Variants in PLD5 observed in about 807,000 individuals in gnomAD.
PLD5 encodes inactive phospholipase D5.
Under a neutral mutation model 61.1 loss-of-function variants are expected in PLD5, and 36 were observed. That is an observed-to-expected ratio of 0.59 (90% confidence interval 0.45 to 0.78). PLD5 has a LOEUF of 0.78. Ranked by LOEUF, PLD5 falls within the 30% of genes least tolerant of loss-of-function variation. PLD5 has a pLI of 0.00. For synonymous variants in PLD5, 243 were observed against 242.8 expected, an observed-to-expected ratio of 1.00 and a Z score of -0.01; for missense variants, 515 against 644.4, an observed-to-expected ratio of 0.80 and a Z score of 2.17.
chr1:242,375,882 C>A (rs1661923131), intron 1 of PLD5, among the ~76,000 whole-genome samples: 1 of 152,146 alleles, frequency 6.6e-6, no homozygotes, highest in South Asian at 2.1e-4. Flanking sequence ...GTTGAAGTTG[C>A]ACATCCCAAC....
chr1:242,413,425 T>G (rs574748736), intron 1 of PLD5, among the ~76,000 whole-genome samples: 1 of 152,244 alleles, frequency 6.6e-6, no homozygotes, highest in Admixed American at 6.5e-5. Context: ...TCACAAGATG[T>G]TCACAGACTA....
chr1:242,491,973 G>A (rs1265477727), intron 1 of PLD5, among the ~76,000 whole-genome samples: 2 of 152,196 alleles, frequency 1.3e-5, no homozygotes, highest in Admixed American at 6.5e-5. Flanking sequence ...TCACAGGCTT[G>A]AAATTCACAA....
chr1:242,329,769 G>C (rs1451349828), intron 2 of PLD5, among the ~76,000 whole-genome samples: 1 of 152,068 alleles, frequency 6.6e-6, no homozygotes, highest in Admixed American at 6.6e-5. Context: ...ATTGCAATGT[G>C]CTCCCAAACT....
chr1:242,169,442 C>G (rs1451513264), intron 5 of PLD5, among the ~76,000 whole-genome samples: 1 of 152,176 alleles, frequency 6.6e-6, no homozygotes, highest in Non-Finnish European at 1.5e-5. Flanking sequence ...CTTCAAAACC[C>G]GTAGACCAGG....
chr1:242,195,131 T>A (rs1668556292), intron 5 of PLD5, among the ~76,000 whole-genome samples: 1 of 152,262 alleles, frequency 6.6e-6, no homozygotes, highest in African/African-American at 2.4e-5. Context: ...GGGATCAATG[T>A]TGAGAAAGAC....
intron 2 of PLD5, among the ~76,000 whole-genome samples, chr1:242,344,609 TG>T (rs1265430832): frequency 1.6e-4 from 25 of 152,220 alleles, no homozygotes; most frequent in Admixed American, 1.6e-3. Flanking sequence ...CCTGATGCTT[TG>T]GCATGGGTTT....
chr1:242,395,661 T>C (rs1265097464), intron 1 of PLD5, among the ~76,000 whole-genome samples: 3 of 152,138 alleles, frequency 2.0e-5, no homozygotes, highest in Admixed American at 1.3e-4. Flanking sequence ...CCACGGCTAA[T>C]GGAAACATAG....
chr1:242,285,879 G>A (rs1416068893), intron 3 of PLD5, among the ~76,000 whole-genome samples: 3 of 152,086 alleles, frequency 2.0e-5, no homozygotes, highest in Non-Finnish European at 4.4e-5. Context: ...AGGCCAAGGC[G>A]GGTGGATCAC....
At chr1:242,402,944 T>G (rs1056165567) in intron 1 of PLD5, among the ~76,000 whole-genome samples, 1 of 152,160 alleles carries the variant, frequency 6.6e-6, no homozygotes, top group Non-Finnish European at 1.5e-5. Flanking sequence ...CAGTGACAAC[T>G]AAAAACAACA....
intron 1 of PLD5, among the ~76,000 whole-genome samples, chr1:242,503,809 G>A (rs915884230): frequency 6.6e-6 from 1 of 152,122 alleles, no homozygotes; most frequent in Admixed American, 6.5e-5. Flanking sequence ...TATGATGTCG[G>A]GAGCCGTTGA....
intron 5 of PLD5, among the ~76,000 whole-genome samples, chr1:242,129,404 T>G (rs1663057797): frequency 6.6e-6 from 1 of 152,170 alleles, no homozygotes; most frequent in Non-Finnish European, 1.5e-5. Context: ...TAGTTTTACG[T>G]ATTAGTTCAG....
chr1:242,140,493 C>A (rs905699416), intron 5 of PLD5, among the ~76,000 whole-genome samples: 5 of 152,022 alleles, frequency 3.3e-5, no homozygotes, highest in African/African-American at 7.2e-5. Flanking sequence ...AAAAATTAGC[C>A]AGGCATGGTG....
intron 9 of PLD5, among the ~76,000 whole-genome samples, chr1:242,097,697 G>T (rs549153018): frequency 5.3e-5 from 8 of 152,130 alleles, no homozygotes; most frequent in Non-Finnish European, 7.4e-5. Context: ...TCTGTAGGTT[G>T]CCTATTCACT....
chr1:242,105,631 A>AT (rs1660995593), intron 8 of PLD5, among the ~76,000 whole-genome samples: 1 of 152,222 alleles, frequency 6.6e-6, no homozygotes, highest in Non-Finnish European at 1.5e-5. Flanking sequence ...TCACCCAGAA[A>AT]TTTGGTATTT....
intron 8 of PLD5, among the ~76,000 whole-genome samples, chr1:242,105,187 G>T (rs1444894622): frequency 6.6e-6 from 1 of 151,514 alleles, no homozygotes; most frequent in African/African-American, 2.4e-5. Flanking sequence ...TCGGCTATAG[G>T]GACTGGGGAA....
intron 2 of PLD5, among the ~76,000 whole-genome samples, chr1:242,318,390 C>T (rs372446982): frequency 1.3e-5 from 2 of 152,294 alleles, no homozygotes; most frequent in South Asian, 2.1e-4. Context: ...ACCTGCCAAA[C>T]GCTGCCAGTG....
rs942759364 is a variant in PLD5, at chr1:242,220,572, G to A, written c.608-457C>T. 8.5e-5 allele frequency among the ~76,000 whole-genome samples: 13 copies of A among 152,086 alleles called. No homozygotes were observed. In the East Asian group the frequency reaches 1.4e-3, roughly 16 times the overall value. On this transcript the variant is annotated intron_variant, in intron 4 of 9. Transcript: ENST00000536534. ...CACAGCTCTCCTCAATAAGACGTTG[G>A]CCTCATTATGCTTTCTATACATTTT...
intron 2 of PLD5, among the ~76,000 whole-genome samples, chr1:242,328,065 C>A (rs1413042310): frequency 6.6e-6 from 1 of 151,970 alleles, no homozygotes; most frequent in African/African-American, 2.4e-5. Flanking sequence ...ACAGAGGAGA[C>A]CCTGCTGCTA....
chr1:242,471,185 C>A (rs1667439200), intron 1 of PLD5, among the ~76,000 whole-genome samples: 2 of 152,212 alleles, frequency 1.3e-5, no homozygotes, highest in Non-Finnish European at 2.9e-5. Flanking sequence ...CTGCACCTAC[C>A]CTTTACACCT....
Sources: gnomAD v4.1 joint callset for allele counts (sites outside exome capture counted in the v4.1 genomes callset) on GRCh38, gnomAD v4.1.1 for gene constraint, MANE v1.5 for transcripts, NCBI Gene and HGNC (gene_info 2026-07-23, HGNC 2026-07-21) for gene names.